The following GRM2 variants were observed in gnomAD, a reference collection of about 807,000 sequenced individuals.
The protein encoded by GRM2 is metabotropic glutamate receptor 2.
GRM2 carries 35 observed loss-of-function variants against 60.4 expected under a neutral mutation model. The ratio of observed to expected loss-of-function variants is 0.58; its 90% CI spans 0.44 to 0.77. The LOEUF (loss-of-function observed/expected upper bound fraction) is 0.77, where lower values mean the gene tolerates loss of function less well. Ranked by LOEUF, GRM2 falls within the 30% of genes least tolerant of loss-of-function variation. The pLI, the probability that GRM2 is intolerant of heterozygous loss-of-function variation, is 0.00. For synonymous variants in GRM2, 437 were observed against 484.1 expected (o/e 0.90, Z 1.28); for missense variants, 925 against 1,199.5 (o/e 0.77, Z 3.38).
rs948924535 is a variant in GRM2, at chr3:51,712,129, C to A, written c.451-344C>A. On this transcript the variant is annotated intron_variant, in intron 2 of 5. Transcript: ENST00000395052. The surrounding 1 kb of genome is among the most constrained non-coding windows in gnomAD (Gnocchi z 5.3). ...CTGAGTAGCCAGATGCCATCTCATGCCTCCCTCTGCCCCAGTGTAGCCAGG... is the reference window on the plus strand; with the variant it reads ...CTGAGTAGCCAGATGCCATCTCATGACTCCCTCTGCCCCAGTGTAGCCAGG... 6.6e-6 allele frequency among the ~76,000 whole-genome samples: 1 copy of A among 152,208 alleles called. No individual in the cohort carries two copies. The highest frequency in any genetic ancestry group is 2.4e-5 in the African/African-American group (1 of 41,450).
At chr3:51,714,238 T>G (rs1703821362) in intron 3 of GRM2, 1 of 221,332 alleles carries the variant, frequency 4.5e-6, no homozygotes, top group Non-Finnish European at 9.2e-6. Context: ...CATGTTTGGC[T>G]TGGGTGGAAT....
chr3:51,709,656 A>ACCC (rs1703621545), intron 2 of GRM2, among the ~76,000 whole-genome samples: 1 of 92,130 alleles, frequency 1.1e-5, no homozygotes, highest in African/African-American at 4.0e-5. Context: ...ACTCCCACAC[A>ACCC]CACACACACC....
In GRM2 at chr3:51,712,908, G is replaced by A; in HGVS notation, c.886G>A (p.Gly296Ser). The change falls in exon 3 of 6, where the codon GGT becomes AGT. Residue 296 changes from glycine (G) to serine (S), a missense_variant. Gly to Ser is a moderately conservative substitution (Grantham distance 56). Transcript: ENST00000395052. This position sits in a 1 kb window ranked among gnomAD's most constrained non-coding sequence, Gnocchi z 5.3. ...CAGCTTCACCTGGGTGGCCAGTGAT[G>A]GTTGGGGGGCCCTGGAGAGTGTGGT... ...NASFTWVASD[G>S]WGALESVVAG... 6.2e-7 allele frequency: 1 copy of A among 1,613,090 alleles called. No individual in the cohort carries two copies. Among genetic ancestry groups the A allele is most frequent in the Middle Eastern group, 1.6e-4 (1 of 6,062 alleles).
Position 51,717,561 on chromosome 3 carries a change from C to T in GRM2, c.2365-76C>T. On this transcript the variant is annotated intron_variant, in intron 4 of 5. Coordinates refer to ENST00000395052, the MANE Select transcript of GRM2 (RefSeq NM_000839.5). This position sits in a 1 kb window ranked among gnomAD's most constrained non-coding sequence, Gnocchi z 6.0. ...TGCTTAGTCTCCCCCACTCCCTCCC[C>T]CACAGATCAGGCAGGGGGTCCTGGG... 8.3e-7 allele frequency: 1 copy of T among 1,203,922 alleles called. No individual in the cohort carries two copies. 74.6% of individuals were successfully genotyped at this position (1,203,922 alleles called of 1,614,324 possible). A position where few individuals can be genotyped will look rare whatever the true frequency, so the allele number is the denominator to read the frequency against.
rs1298502170 is a variant in GRM2, at chr3:51,715,639, C to G, written c.1866C>G (p.Ile622Met). The G allele has an allele frequency of 6.2e-7, 1 of 1,614,260 alleles. No homozygotes were observed. The highest frequency in any genetic ancestry group is 1.7e-5 in the Admixed American group (1 of 60,034). ...GVFLCYCMTF[I>M]FIAKPSTAVC... ...TCCTCTGCTACTGCATGACCTTCAT[C>G]TTCATTGCCAAGCCATCCACGGCAG... The change falls in exon 4 of 6, where the codon ATC becomes ATG. Residue 622 changes from isoleucine to methionine, a missense_variant. Coordinates refer to ENST00000395052, the MANE Select transcript of GRM2 (RefSeq NM_000839.5). The surrounding 1 kb of genome is among the most constrained non-coding windows in gnomAD (Gnocchi z 9.0).
rs767731104 is a variant in GRM2, at chr3:51,716,323, AG to A, written c.2364+188del. Among the ~76,000 whole-genome samples, 7 of 152,100 alleles carry A rather than the reference AG, an allele frequency of 4.6e-5. No individual in the cohort carries two copies. Among genetic ancestry groups the A allele is most frequent in the Non-Finnish European group, 7.4e-5 (5 of 68,008 alleles). ...ATAGGACCTAGGGAAATGGCCAGGG[AG>A]GTGGGGAACTCGAGTTAGAGAGAGC... On this transcript the variant is annotated intron_variant, in intron 4 of 5. Transcript: ENST00000395052. This position sits in a 1 kb window ranked among gnomAD's most constrained non-coding sequence, Gnocchi z 4.0.
At position 51,716,271 on chromosome 3, in the gene GRM2, A is replaced by C; in HGVS notation, c.2364+134A>C. On this transcript the variant is annotated intron_variant, in intron 4 of 5. Coordinates refer to ENST00000395052, the MANE Select transcript of GRM2 (RefSeq NM_000839.5). This position sits in a 1 kb window ranked among gnomAD's most constrained non-coding sequence, Gnocchi z 4.0. Reference sequence around the variant, plus strand: ...ACTCAGGGGACCACAGCTTGTGTGGATCCCAAGGGGAAGGTGGGAGGGCTG... The same window carrying C: ...ACTCAGGGGACCACAGCTTGTGTGGCTCCCAAGGGGAAGGTGGGAGGGCTG... The C allele has an allele frequency of 1.5e-6, 1 of 656,386 alleles. No individual in the cohort carries two copies. Among genetic ancestry groups the C allele is most frequent in the South Asian group, 1.9e-5 (1 of 52,664 alleles). 40.7% of individuals were successfully genotyped at this position (656,386 alleles called of 1,614,324 possible). A position where few individuals can be genotyped will look rare whatever the true frequency, so the allele number is the denominator to read the frequency against.
Position 51,718,402 on chromosome 3 carries a change from G to A in GRM2, c.*290G>A, listed in dbSNP as rs563922995. On this transcript the variant is annotated 3_prime_UTR_variant, in exon 6 of 6. Transcript: ENST00000395052. This position sits in a 1 kb window ranked among gnomAD's most constrained non-coding sequence, Gnocchi z 4.2. ...CCAGGGTTCACTCTGCCCTGGACCC[G>A]GGTGGCTGAGGACGGCAGGCCCCAG... is the stretch of plus-strand genomic sequence containing the variant. 6.1e-5 allele frequency: 26 copies of A among 428,746 alleles called. No homozygotes were observed. The highest frequency in any genetic ancestry group is 2.4e-4 in the African/African-American group (12 of 49,532). 26.6% of individuals were successfully genotyped at this position (428,746 alleles called of 1,614,324 possible).
chr3:51,714,173 TAGG>T, intron 3 of GRM2: 4 of 234,010 alleles, frequency 1.7e-5, no homozygotes, highest in South Asian at 1.3e-4. Context: ...GTGTAGGGGT[TAGG>T]GTTGGAATCT....
In GRM2 at chr3:51,709,321, G is replaced by A; in HGVS notation, c.338G>A (p.Gly113Asp). ...LDFVRASLSR[G>D]ADGSRHICPD... ...TTTGTGCGTGCCTCACTCAGCCGTG[G>A]TGCTGATGGCTCACGCCACATCTGC... The change falls in exon 2 of 6, where the codon GGT (glycine) becomes GAT (aspartate). Residue 113 changes from glycine (G) to aspartate (D), a missense_variant. Transcript: ENST00000395052. 1.9e-6 allele frequency: 3 copies of A among 1,602,984 alleles called. No individual in the cohort carries two copies. Among genetic ancestry groups the A allele is most frequent in the Non-Finnish European group, 2.6e-6 (3 of 1,171,824 alleles).
Position 51,715,969 on chromosome 3 carries a change from G to C in GRM2, c.2196G>C (p.Leu732=). The part of the protein sequence containing the change: ...NHRDASMLGS[L]AYNVLLIALC... ...GCGATGCAAGTATGTTGGGCTCGCT[G>C]GCCTACAATGTGCTCCTCATCGCGC... Residue 732 remains leucine (L), a synonymous_variant, in exon 4 of 6, where the codon CTG becomes CTC. Coordinates refer to ENST00000395052, the MANE Select transcript of GRM2 (RefSeq NM_000839.5). The surrounding 1 kb of genome is among the most constrained non-coding windows in gnomAD (Gnocchi z 9.0). 1 of 1,614,184 alleles carries C rather than the reference G, an allele frequency of 6.2e-7. No individual in the cohort carries two copies. The highest frequency in any genetic ancestry group is 8.5e-7 in the Non-Finnish European group (1 of 1,180,040).
chr3:51,712,470 C>A lies in GRM2; in HGVS notation c.451-3C>A. On this transcript the variant is annotated splice_polypyrimidine_tract_variant and splice_region_variant and intron_variant, in intron 2 of 5. Transcript: ENST00000395052. The surrounding 1 kb of genome is among the most constrained non-coding windows in gnomAD (Gnocchi z 5.3). ...ATCTTTGCCTTCTCTACTCCTCCCC[C>A]AGGTGGCCAACCTCTTGAGGCTATT... 3 of 1,601,928 alleles carry A rather than the reference C, an allele frequency of 1.9e-6. No homozygotes were observed. Among genetic ancestry groups the A allele is most frequent in the Non-Finnish European group, 2.6e-6 (3 of 1,170,030 alleles).
At chr3:51,708,766 G>A in intron 1 of GRM2, 82 bp from the exon 2 acceptor site, 1 of 508,700 alleles carries the variant, frequency 2.0e-6, no homozygotes, top group Non-Finnish European at 3.5e-6. Flanking sequence ...AGGGGCTCGT[G>A]GGGAGGCAGA....
Position 51,712,962 on chromosome 3 carries a change from G to A in GRM2, c.940G>A (p.Ala314Thr). 1.2e-6 allele frequency: 2 copies of A among 1,613,146 alleles called. No homozygotes were observed. The highest frequency in any genetic ancestry group is 1.7e-6 in the Non-Finnish European group (2 of 1,180,016). ...VAGSEGAAEG[A>T]ITIELASYPI... ...AGGCAGTGAGGGGGCTGCTGAGGGTGCTATCACCATCGAGCTGGCCTCCTA... is the reference window on the plus strand; with the variant it reads ...AGGCAGTGAGGGGGCTGCTGAGGGTACTATCACCATCGAGCTGGCCTCCTA... Residue 314 changes from alanine (A) to threonine (T), a missense_variant, in exon 3 of 6, where the codon GCT (alanine) becomes ACT (threonine). Ala to Thr is a moderately conservative substitution (Grantham distance 58). Transcript: ENST00000395052. The surrounding 1 kb of genome is among the most constrained non-coding windows in gnomAD (Gnocchi z 5.3).
Position 51,709,281 on chromosome 3 carries a change from G to A in GRM2, c.298G>A (p.Glu100Lys). 1 of 1,604,636 alleles carries A rather than the reference G, an allele frequency of 6.2e-7. No homozygotes were observed. The highest frequency in any genetic ancestry group is 8.5e-7 in the Non-Finnish European group (1 of 1,173,372). ...TTGCTCCAAGGACACACATGCGCTG[G>A]AGCAGGCACTGGACTTTGTGCGTGC... ...DSCSKDTHAL[E>K]QALDFVRASL... The change falls in exon 2 of 6, where the codon GAG becomes AAG. Residue 100 changes from glutamate to lysine, a missense_variant. Glu to Lys is a moderately conservative substitution (Grantham distance 56). Transcript: ENST00000395052.
In GRM2 at chr3:51,713,021, C is replaced by G. The variant is rs1037147478; in HGVS notation, c.999C>G (p.Ser333Arg). ...PISDFASYFQSLDPWNNSRNP... is the reference protein window; with the variant it reads ...PISDFASYFQRLDPWNNSRNP... Reference sequence around the variant, plus strand: ...GTGACTTTGCCTCCTACTTCCAGAGCCTGGACCCTTGGAACAACAGCCGGA... The same window carrying G: ...GTGACTTTGCCTCCTACTTCCAGAGGCTGGACCCTTGGAACAACAGCCGGA... Residue 333 changes from serine (S) to arginine (R), a missense_variant, in exon 3 of 6, where the codon AGC becomes AGG. Physicochemically the swap from Ser to Arg is moderately radical, Grantham distance 110. Coordinates refer to ENST00000395052, the MANE Select transcript of GRM2 (RefSeq NM_000839.5). This position sits in a 1 kb window ranked among gnomAD's most constrained non-coding sequence, Gnocchi z 4.8. 3.1e-6 allele frequency: 5 copies of G among 1,613,230 alleles called. No individual in the cohort carries two copies. The African/African-American group carries it at 5.3e-5, about 17-fold the overall frequency.
Position 51,707,074 on chromosome 3 carries a change from A to AGAGACAGC in GRM2, c.-227_-226insACAGCGAG, listed in dbSNP as rs1553699720. 2.0e-5 allele frequency: 3 copies of AGAGACAGC among 152,534 alleles called. No individual in the cohort carries two copies. In the Admixed American group the frequency reaches 2.0e-4, roughly 10 times the overall value. The allele number at this position is 152,534 out of a possible 1,614,324, so 9.4% of individuals were successfully genotyped here. ...GGGCGAGCGGGCGGGCGGAGAGCGCAGAGCCAGCGAGCCAGCGAGCGAGCG... is the reference window on the plus strand; with the variant it reads ...GGGCGAGCGGGCGGGCGGAGAGCGCAGAGACAGCGAGCCAGCGAGCCAGCGAGCGAGCG... On this transcript the variant is annotated 5_prime_UTR_variant, in exon 1 of 6. Coordinates refer to ENST00000395052, the MANE Select transcript of GRM2 (RefSeq NM_000839.5).
At position 51,708,979 on chromosome 3, in the gene GRM2, G is replaced by C. The variant is rs753092296; in HGVS notation, c.-5G>C. 1 of 1,563,834 alleles carries C rather than the reference G, an allele frequency of 6.4e-7. No individual in the cohort carries two copies. The highest frequency in any genetic ancestry group is 8.7e-7 in the Non-Finnish European group (1 of 1,149,768). ...CTGCGGGACCCATCCATCCCCTTTGGGGCCATGGGATCGCTGCTTGCGCTC... is the reference window on the plus strand; with the variant it reads ...CTGCGGGACCCATCCATCCCCTTTGCGGCCATGGGATCGCTGCTTGCGCTC... On this transcript the variant is annotated 5_prime_UTR_variant, in exon 2 of 6. Coordinates refer to ENST00000395052, the MANE Select transcript of GRM2 (RefSeq NM_000839.5).
Position 51,717,642 on chromosome 3 carries a change from G to T in GRM2, c.2370G>T (p.Gln790His). 6.2e-7 allele frequency: 1 copy of T among 1,613,166 alleles called. No homozygotes were observed. The highest frequency in any genetic ancestry group is 8.5e-7 in the Non-Finnish European group (1 of 1,179,790). Residue 790 changes from glutamine (Q) to histidine (H), a missense_variant, in exon 5 of 6, where the codon CAG becomes CAT. Transcript: ENST00000395052. The surrounding 1 kb of genome is among the most constrained non-coding windows in gnomAD (Gnocchi z 6.0). The stretch of plus-strand genomic sequence containing the variant: ...CACCCACTCACCCACCGCAGGTACA[G>T]ACCACCACCATGTGCGTGTCAGTCA... Reference protein sequence around the residue: ...FYVTSSDYRVQTTTMCVSVSL... With the variant: ...FYVTSSDYRVHTTTMCVSVSL...
Sources: gnomAD v4.1 joint callset for allele counts (sites outside exome capture counted in the v4.1 genomes callset) on GRCh38, gnomAD v4.1.1 for gene constraint, Gnocchi (gnomAD v3.1) non-coding constraint, MANE v1.5 for transcripts, NCBI Gene and HGNC (gene_info 2026-07-23, HGNC 2026-07-21) for gene names.